The following ART3 variants were observed in gnomAD, a reference collection of about 807,000 sequenced individuals.
ART3 encodes ecto-ADP-ribosyltransferase 3.
Under a neutral mutation model 48.5 loss-of-function variants are expected in ART3, and 49 were observed. The observed-to-expected ratio is 1.01, with a 90% CI of 0.80 to 1.28. ART3 has a LOEUF of 1.28. ART3 is among the 50% of genes most tolerant of loss of function. The pLI is 0.00. For synonymous variants in ART3, 145 were observed against 157.2 expected (o/e 0.92, Z 0.58); for missense variants, 438 against 454.3 (o/e 0.96, Z 0.33).
At chr4:76,100,658 C>A in intron 6 of ART3, 137 bp from the exon 7 acceptor site, 1 of 933,912 alleles carries the variant, frequency 1.1e-6, no homozygotes, top group Non-Finnish European at 1.6e-6. Context: ...ATTCTGGGGG[C>A]TTGCATTTTG....
chr4:76,110,307 G>T (rs1233883644), intron 11 of ART3, among the ~76,000 whole-genome samples: 1 of 152,140 alleles, frequency 6.6e-6, no homozygotes, highest in East Asian at 1.9e-4. Flanking sequence ...AAGAAATCTA[G>T]AGATAGTATA....
upstream of ART3, among the ~76,000 whole-genome samples, chr4:76,071,157 C>T (rs1223327825): frequency 2.0e-5 from 3 of 152,050 alleles, no homozygotes; most frequent in African/African-American, 7.2e-5. Context: ...CAAGACCAGC[C>T]TGGCCAACAT....
chr4:76,060,857 A>G (rs1719149259), intron 1 of ART3, among the ~76,000 whole-genome samples: 2 of 152,232 alleles, frequency 1.3e-5, no homozygotes, highest in East Asian at 3.8e-4. Context: ...CTGACAGTCA[A>G]CAAGGAAACA....
intron 3 of ART3, among the ~76,000 whole-genome samples, chr4:76,084,217 G>A (rs1209812463): frequency 6.6e-6 from 1 of 152,084 alleles, no homozygotes; most frequent in Non-Finnish European, 1.5e-5. Context: ...ACCATTCTGA[G>A]ATATTGCTTC....
At chr4:76,084,409 G>A (rs560599569) in intron 3 of ART3, among the ~76,000 whole-genome samples, 1 of 152,222 alleles carries the variant, frequency 6.6e-6, no homozygotes, top group South Asian at 2.1e-4. Context: ...AGTTTATGTA[G>A]ATTTGCATTT....
chr4:76,030,159 C>A (rs912977511), intron 1 of ART3, among the ~76,000 whole-genome samples: 3 of 152,154 alleles, frequency 2.0e-5, no homozygotes, highest in African/African-American at 7.2e-5. Flanking sequence ...CGGGTTCAAG[C>A]GATTCTCCTG....
At chr4:76,019,497 G>T in intron 1 of ART3, among the ~76,000 whole-genome samples, 1 of 8,944 alleles carries the variant, frequency 1.1e-4, no homozygotes, top group African/African-American at 5.0e-4. Context: ...TTCTTGGCTG[G>T]GCACCCTGTA....
At chr4:76,087,539 A>G (rs1335157040) in intron 3 of ART3, among the ~76,000 whole-genome samples, 1 of 152,214 alleles carries the variant, frequency 6.6e-6, no homozygotes, top group Non-Finnish European at 1.5e-5. Context: ...CCTTTGGATT[A>G]AAAAAAGACA....
chr4:76,091,970 A>G (rs1466320547), intron 3 of ART3, among the ~76,000 whole-genome samples: 1 of 152,220 alleles, frequency 6.6e-6, no homozygotes, highest in Non-Finnish European at 1.5e-5. Context: ...GGTGTGAGCC[A>G]CTGTGCCTGG....
intron 1 of ART3, among the ~76,000 whole-genome samples, chr4:76,019,045 GA>G (rs72190608): frequency 0.068 from 5,909 of 87,432 alleles, 372 homozygotes; most frequent in African/African-American, 0.21. Flanking sequence ...CCATCTCAAG[GA>G]AAAAAAAAAA....
At chr4:76,103,806 G>GT (rs1727853448) in intron 8 of ART3, 131 bp from the exon 9 acceptor site, 2 of 784,970 alleles carry the variant, frequency 2.5e-6, no homozygotes, top group African/African-American at 3.6e-5. Context: ...TGTTGTTGCT[G>GT]TTTCTTTTTT....
At chr4:76,053,985 G>C (rs1736380166) in intron 1 of ART3, among the ~76,000 whole-genome samples, 1 of 152,146 alleles carries the variant, frequency 6.6e-6, no homozygotes, top group African/African-American at 2.4e-5. Context: ...TTTTCAAGTT[G>C]GGAAACAACA....
intron 1 of ART3, among the ~76,000 whole-genome samples, chr4:76,017,236 C>T (rs1317447512): frequency 6.6e-6 from 1 of 150,944 alleles, no homozygotes; most frequent in Non-Finnish European, 1.5e-5. Flanking sequence ...TGTGTACTAC[C>T]TGGGTATTGG....
chr4:76,107,186 T>A (rs1160440879), intron 10 of ART3: 1 of 152,216 alleles, frequency 6.6e-6, no homozygotes, highest in Non-Finnish European at 1.5e-5. Context: ...TGACTTATGG[T>A]ATTTTCAGCT....
intron 1 of ART3, chr4:76,034,467 A>G (rs1734162090): frequency 1.9e-6 from 1 of 514,482 alleles, no homozygotes; most frequent in Admixed American, 3.9e-5. Context: ...GTATAATGCA[A>G]CAAGTAAGAA....
At chr4:76,070,998 T>C (rs1191688980), upstream of ART3, among the ~76,000 whole-genome samples, 1 of 151,974 alleles carries the variant, frequency 6.6e-6, no homozygotes. Context: ...TGCTATATTA[T>C]TAGTTTTTTC....
At chr4:76,022,661 G>C in intron 1 of ART3, 9 of 1,607,654 alleles carry the variant, frequency 5.6e-6, no homozygotes, top group Non-Finnish European at 7.7e-6. Context: ...TACAACCAGG[G>C]AAGTGATAAT....
intron 1 of ART3, among the ~76,000 whole-genome samples, chr4:76,027,065 A>G (rs765033949): frequency 9.2e-5 from 14 of 152,224 alleles, no homozygotes; most frequent in Admixed American, 6.5e-4. Context: ...CAGCCTGGCC[A>G]ACATCGTGAA....
At chr4:76,100,222 G>C (rs529927351) in intron 5 of ART3, 69 bp from the exon 6 acceptor site, 1 of 1,474,168 alleles carries the variant, frequency 6.8e-7, no homozygotes, top group Admixed American at 1.7e-5. Context: ...TAATTTTGCT[G>C]TAGCAATAGT....
Sources: gnomAD v4.1 joint callset for allele counts (sites outside exome capture counted in the v4.1 genomes callset) on GRCh38, gnomAD v4.1.1 for gene constraint, MANE v1.5 for transcripts, NCBI Gene and HGNC (gene_info 2026-07-23, HGNC 2026-07-21) for gene names.